The following HIPK2 variants were observed in gnomAD, a reference collection of about 807,000 sequenced individuals.
The protein encoded by HIPK2 is homeodomain interacting protein kinase 2.
Under a neutral mutation model 113.7 loss-of-function variants are expected in HIPK2, and 27 were observed. The ratio of observed to expected loss-of-function variants is 0.24; its 90% CI spans 0.17 to 0.33. The LOEUF is 0.33. Among genes scored for constraint, HIPK2 ranks in the 10% least tolerant of loss-of-function variants. The pLI, the probability that HIPK2 is intolerant of heterozygous loss-of-function variation, is 1.00. For missense variants in HIPK2, 1,257 were observed against 1,588.0 expected (o/e 0.79, Z 3.54); for synonymous variants, 631 against 642.2 (o/e 0.98, Z 0.26).
At chr7:139,591,023 T>A (rs1164073080) in intron 12 of HIPK2, among the ~76,000 whole-genome samples, 1 of 152,098 alleles carries the variant, frequency 6.6e-6, no homozygotes. Context: ...TTAAAAAAAT[T>A]TTTTGTAGAG....
chr7:139,689,080 A>C (rs1381223804), intron 2 of HIPK2, among the ~76,000 whole-genome samples: 2 of 152,260 alleles, frequency 1.3e-5, no homozygotes, highest in African/African-American at 4.8e-5. Context: ...ACCAAGAGCC[A>C]AAGCTAAAGT....
At chr7:139,723,476 G>C (rs907493394) in intron 1 of HIPK2, among the ~76,000 whole-genome samples, 9 of 152,170 alleles carry the variant, frequency 5.9e-5, no homozygotes, top group African/African-American at 2.2e-4. Context: ...TTACAGGCGT[G>C]AGCCACTGCA....
At chr7:139,691,845 C>A (rs1322415928) in intron 2 of HIPK2, among the ~76,000 whole-genome samples, 4 of 152,146 alleles carry the variant, frequency 2.6e-5, no homozygotes. Context: ...CTGTCAAGTA[C>A]AAAATTGTAT....
At chr7:139,764,764 C>T (rs1796525845) in intron 1 of HIPK2, among the ~76,000 whole-genome samples, 1 of 152,090 alleles carries the variant, frequency 6.6e-6, no homozygotes, top group Non-Finnish European at 1.5e-5. Flanking sequence ...AGGGCCCAGG[C>T]CTGAGAGCAG....
At chr7:139,627,925 A>G (rs1367675318) in intron 5 of HIPK2, among the ~76,000 whole-genome samples, 1 of 152,190 alleles carries the variant, frequency 6.6e-6, no homozygotes, top group Non-Finnish European at 1.5e-5. Flanking sequence ...CCCAGTCCCC[A>G]GTTGGTGTGA....
At chr7:139,730,597 G>T (rs1390279665) in intron 1 of HIPK2, among the ~76,000 whole-genome samples, 1 of 152,282 alleles carries the variant, frequency 6.6e-6, no homozygotes, top group Non-Finnish European at 1.5e-5. Flanking sequence ...CTGACCTCTG[G>T]TGATCCACCT....
chr7:139,645,655 G>A (rs1343066818), intron 2 of HIPK2, among the ~76,000 whole-genome samples: 1 of 152,188 alleles, frequency 6.6e-6, no homozygotes, highest in Non-Finnish European at 1.5e-5. Context: ...GCAGGCAGGT[G>A]TGAGTGCGGT....
At chr7:139,759,052 TCATAGCAAAGACTATACATAAAGAG>T (rs2117136214) in intron 1 of HIPK2, among the ~76,000 whole-genome samples, 1 of 151,978 alleles carries the variant, frequency 6.6e-6, no homozygotes, top group South Asian at 2.1e-4. Context: ...AAAATGCAAC[TCATAGCAAAGACTATACATAAAGAG>T]CTTTCAGAAT....
intron 1 of HIPK2, among the ~76,000 whole-genome samples, chr7:139,749,148 A>G (rs1308565048): frequency 6.6e-6 from 1 of 152,216 alleles, no homozygotes; most frequent in South Asian, 2.1e-4. Context: ...TCTCTGGGTG[A>G]TGTGGCAAAA....
At chr7:139,703,787 CCA>C (rs1369740354) in intron 2 of HIPK2, among the ~76,000 whole-genome samples, 3 of 134,076 alleles carry the variant, frequency 2.2e-5, no homozygotes, top group Non-Finnish European at 3.2e-5. Flanking sequence ...CCAACACACA[CCA>C]CACACACACC....
At chr7:139,691,299 A>G (rs1012903872) in intron 2 of HIPK2, among the ~76,000 whole-genome samples, 3 of 152,146 alleles carry the variant, frequency 2.0e-5, no homozygotes, top group Non-Finnish European at 4.4e-5. Flanking sequence ...ATCAAATAAC[A>G]CTGCAGTTGC....
chr7:139,640,170 A>G (rs542098832), intron 2 of HIPK2, among the ~76,000 whole-genome samples: 1 of 152,318 alleles, frequency 6.6e-6, no homozygotes, highest in South Asian at 2.1e-4. Context: ...TGCACCTAAG[A>G]AAGAGGGGGA....
At chr7:139,700,281 G>T (rs1172097621) in intron 2 of HIPK2, among the ~76,000 whole-genome samples, 1 of 152,128 alleles carries the variant, frequency 6.6e-6, no homozygotes, top group Admixed American at 6.5e-5. Flanking sequence ...GAATCATCTG[G>T]ACAGAGTGGG....
chr7:139,582,738 A>C (rs1439900805), intron 13 of HIPK2, among the ~76,000 whole-genome samples: 1 of 152,214 alleles, frequency 6.6e-6, no homozygotes, highest in Non-Finnish European at 1.5e-5. Flanking sequence ...CTCTCAGCAA[A>C]AGGGGCCCCA....
At chr7:139,735,212 C>T (rs1004010538) in intron 1 of HIPK2, among the ~76,000 whole-genome samples, 6 of 152,148 alleles carry the variant, frequency 3.9e-5, no homozygotes, top group East Asian at 1.9e-4. Context: ...AAGTACATGA[C>T]GACTTAAGCC....
chr7:139,748,407 T>C (rs1328591646), intron 1 of HIPK2, among the ~76,000 whole-genome samples: 1 of 152,084 alleles, frequency 6.6e-6, no homozygotes, highest in African/African-American at 2.4e-5. Context: ...CACAATTTAT[T>C]ATCTCACAGT....
At chr7:139,770,201 C>T (rs974002340) in intron 1 of HIPK2, among the ~76,000 whole-genome samples, 1 of 152,168 alleles carries the variant, frequency 6.6e-6, no homozygotes, top group African/African-American at 2.4e-5. Flanking sequence ...TCATTAGATA[C>T]AAAATAAACA....
intron 2 of HIPK2, among the ~76,000 whole-genome samples, chr7:139,696,320 C>T (rs1298487147): frequency 6.6e-6 from 1 of 152,024 alleles, no homozygotes. Context: ...CATCTATAAT[C>T]CCAGCGCTTT....
In HIPK2 at chr7:139,687,528, A is replaced by G. The variant is rs181174615; in HGVS notation, c.1103+28404T>C. On this transcript the variant is annotated intron_variant, in intron 2 of 14. Coordinates refer to ENST00000406875, the MANE Select transcript of HIPK2 (RefSeq NM_022740.5). ...GGTGAAGAAAACAGACTAACATAGTAAATACAGGATATTTAATGTTGCTTA... is the reference window on the plus strand; with the variant it reads ...GGTGAAGAAAACAGACTAACATAGTGAATACAGGATATTTAATGTTGCTTA... Among the ~76,000 whole-genome samples the G allele has an allele frequency of 2.5e-3, 376 of 152,362 alleles. 1 individual carries two copies. The highest frequency in any genetic ancestry group is 8.4e-3 in the African/African-American group (350 of 41,574).
Sources: allele counts gnomAD v4.1 joint callset (sites outside exome capture counted in the v4.1 genomes callset), GRCh38; gene constraint gnomAD v4.1.1; transcripts MANE v1.5; gene names NCBI Gene and HGNC (gene_info 2026-07-23, HGNC 2026-07-21).